MTMR1: variants seen among roughly 807,000 people sequenced by gnomAD.
MTMR1 encodes the protein myotubularin related protein 1, also known as phosphatidylinositol-3-phosphate phosphatase MTMR1.
Under a neutral mutation model 51.6 loss-of-function variants are expected in MTMR1, and 17 were observed. That is an observed-to-expected ratio of 0.33 (90% CI 0.23 to 0.49). MTMR1 has a LOEUF of 0.49. Ranked by LOEUF, MTMR1 falls within the 20% of genes least tolerant of loss-of-function variation. The pLI, the probability that MTMR1 is intolerant of heterozygous loss-of-function variation, is 0.99. For missense variants in MTMR1, 386 were observed against 526.9 expected (o/e 0.73, Z 2.62); for synonymous variants, 201 against 205.6 (o/e 0.98, Z 0.19).
intron 3 of MTMR1, among the ~76,000 whole-genome samples, chrX:150,718,152 TC>T (rs2041608427): frequency 1.8e-5 from 2 of 112,817 alleles, no homozygotes; most frequent in East Asian, 5.6e-4. Flanking sequence ...GAGACTGTTC[TC>T]CGGTTATTTT....
rs1296812602 is a variant in MTMR1 at position 150,731,335 on chromosome X, T to C, written c.742-135T>C. 9.7e-6 allele frequency: 5 copies of C among 517,585 alleles called. No individual in the cohort carries two copies. The East Asian group carries it at 1.6e-4, about 17-fold the overall frequency. The allele number at this position is 517,585 out of a possible 1,213,427, so 42.7% of individuals were successfully genotyped here. A position where few individuals can be genotyped will look rare whatever the true frequency, so the allele number is the denominator to read the frequency against. On this transcript the variant is annotated intron_variant, in intron 8 of 15. Transcript: ENST00000445323. ...ACCGAATAAATATATATATTGACTT[T>C]TAAGTTACAATAAACAATAAATTAT...
At chrX:150,726,131 G>C (rs1305294974) in intron 4 of MTMR1, among the ~76,000 whole-genome samples, 1 of 111,679 alleles carries the variant, frequency 9.0e-6, no homozygotes, top group East Asian at 2.8e-4. Context: ...ATTATCGCCT[G>C]AGCTCCGTCT....
Position 150,718,583 on chromosome X carries a change from CCTTTTTTTTTTTTTTTTTTTTTTTTTT to C in MTMR1, c.277-41_277-15del, listed in dbSNP as rs782809118. On this transcript the variant is annotated splice_polypyrimidine_tract_variant and intron_variant, in intron 3 of 15. Coordinates refer to ENST00000445323, the MANE Select transcript of MTMR1 (RefSeq NM_001306144.3). ...AGTGAGATTTACTCCCGTTTGGTGT[CCTTTTTTTTTTTTTTTTTTTTTTTTTT>C]TTTTTTTTTGCCAGGCTCTAAGGGA... 8 of 351,396 alleles carry C rather than the reference CCTTTTTTTTTTTTTTTTTTTTTTTTTT, an allele frequency of 2.3e-5. 1 individual carries two copies. The highest frequency in any genetic ancestry group is 3.4e-4 in the Admixed American group (2 of 5,821). The allele number at this position is 351,396 out of a possible 1,213,427, so 29.0% of individuals were successfully genotyped here.
chrX:150,743,203 A>G (rs1348540835), intron 12 of MTMR1, among the ~76,000 whole-genome samples: 1 of 110,856 alleles, frequency 9.0e-6, no homozygotes, highest in Non-Finnish European at 1.9e-5. Flanking sequence ...CAGGGGTTCA[A>G]GACCAGCCTG....
In MTMR1 at chrX:150,698,296, A is replaced by C. The variant is rs782055778; in HGVS notation, c.147-899A>C. 5.8e-3 allele frequency among the ~76,000 whole-genome samples: 642 copies of C among 110,690 alleles called. 4 individuals carry two copies. The highest frequency in any genetic ancestry group is 9.6e-3 in the Non-Finnish European group (509 of 52,828). On this transcript the variant is annotated intron_variant, in intron 1 of 15. Transcript: ENST00000445323. The stretch of plus-strand genomic sequence containing the variant: ...GTGACAGAGCAAGACTCTGTCTCAA[A>C]AAAAAAAATAAATAAAAAATAAAAA...
At chrX:150,699,339 T>A in intron 2 of MTMR1, 39 bp downstream of exon 2, 1 of 986,771 alleles carries the variant, frequency 1.0e-6, no homozygotes, top group Non-Finnish European at 1.4e-6. Context: ...TTCAGTATGC[T>A]AAGTAGCCAA....
chrX:150,757,716 C>T (rs782620707), intron 15 of MTMR1, among the ~76,000 whole-genome samples: 3 of 112,053 alleles, frequency 2.7e-5, no homozygotes, highest in African/African-American at 9.7e-5. Flanking sequence ...CCTCTTTCAG[C>T]TCTTCCCAGA....
intron 12 of MTMR1, among the ~76,000 whole-genome samples, chrX:150,740,006 C>A (rs1428152870): frequency 9.0e-6 from 1 of 111,729 alleles, no homozygotes; most frequent in Non-Finnish European, 1.9e-5. Context: ...GCCTGCTTGC[C>A]TCCATCATGG....
intron 12 of MTMR1, among the ~76,000 whole-genome samples, chrX:150,742,816 CAAAAAAAAAAA>C (rs1159891625): frequency 1.4e-4 from 3 of 21,746 alleles, no homozygotes; most frequent in South Asian, 2.2e-3. Context: ...GACTCCATCT[CAAAAAAAAAAA>C]AAAAAAAAAA....
intron 2 of MTMR1, among the ~76,000 whole-genome samples, chrX:150,710,431 G>T (rs946556668): frequency 1.8e-5 from 2 of 110,861 alleles, no homozygotes; most frequent in East Asian, 2.8e-4. Flanking sequence ...TGTGATCTCG[G>T]CTCACTGCAA....
At chrX:150,708,082 G>C (rs1189055975) in intron 2 of MTMR1, among the ~76,000 whole-genome samples, 1 of 112,045 alleles carries the variant, frequency 8.9e-6, no homozygotes, top group Admixed American at 9.4e-5. Flanking sequence ...GGAAAGCAGG[G>C]AGGGAGTAAG....
At chrX:150,712,481 A>G (rs2041346965) in intron 3 of MTMR1, 116 bp downstream of exon 3, 3 of 691,544 alleles carry the variant, frequency 4.3e-6, no homozygotes, top group Non-Finnish European at 6.5e-6. Context: ...TGAATCACTC[A>G]GATCAATTTG....
rs782819067 is a variant in MTMR1, at chrX:150,707,760, A to G, written c.253-4582A>G. Among the ~76,000 whole-genome samples the G allele has an allele frequency of 2.7e-5, 3 of 112,620 alleles. No homozygotes were observed. In the East Asian group the frequency reaches 8.3e-4, roughly 31 times the overall value. On this transcript the variant is annotated intron_variant, in intron 2 of 15. Transcript: ENST00000445323. ...GAAATTAAATCTTATGTTTGCATAA[A>G]AACCTGTACCTGAATGTTTTTAACA...
At chrX:150,756,032 C>T (rs1282165331) in intron 15 of MTMR1, among the ~76,000 whole-genome samples, 167 bp downstream of exon 15, 2 of 111,910 alleles carry the variant, frequency 1.8e-5, no homozygotes, top group Non-Finnish European at 3.8e-5. Flanking sequence ...CAGGAGGTTC[C>T]ACCCATACGC....
intron 13 of MTMR1, among the ~76,000 whole-genome samples, chrX:150,746,598 A>G (rs781831405): frequency 8.9e-6 from 1 of 112,758 alleles, no homozygotes; most frequent in South Asian, 3.7e-4. Context: ...GATGAGCACC[A>G]TTTCGGTGGA....
intron 1 of MTMR1, among the ~76,000 whole-genome samples, chrX:150,698,674 GCGCGCGCA>G (rs1272618217): frequency 0.061 from 3,703 of 60,941 alleles, 72 homozygotes; most frequent in Middle Eastern, 0.12. Flanking sequence ...CTGTCTACAC[GCGCGCGCA>G]CACACACACA....
chrX:150,698,425 C>T (rs191335573), intron 1 of MTMR1, among the ~76,000 whole-genome samples: 83 of 111,798 alleles, frequency 7.4e-4, no homozygotes, highest in African/African-American at 2.6e-3. Flanking sequence ...TCATGTTCAG[C>T]TTTACTTTTC....
intron 15 of MTMR1, among the ~76,000 whole-genome samples, chrX:150,758,683 C>G (rs1413815952): frequency 1.8e-5 from 2 of 109,345 alleles, no homozygotes; most frequent in Admixed American, 9.8e-5. Context: ...CCCAGCTACT[C>G]AGGAGGCCGA....
chrX:150,731,459 A>G lies in MTMR1; in HGVS notation c.742-11A>G. On this transcript the variant is annotated splice_polypyrimidine_tract_variant and intron_variant, in intron 8 of 15. Transcript: ENST00000445323. ...ATTTCACCCTCTTCTTCTTTCTCCA[A>G]CACCTTACAGGGCTTGCCAAATGAG... 2 of 1,169,515 alleles carry G rather than the reference A, an allele frequency of 1.7e-6. No individual in the cohort carries two copies. Among genetic ancestry groups the G allele is most frequent in the East Asian group, 3.0e-5 (1 of 32,985 alleles).
Sources: gnomAD v4.1 joint callset for allele counts (sites outside exome capture counted in the v4.1 genomes callset) on GRCh38, gnomAD v4.1.1 for gene constraint, MANE v1.5 for transcripts, NCBI Gene and HGNC (gene_info 2026-07-23, HGNC 2026-07-21) for gene names.